MAP7: variants seen among roughly 807,000 people sequenced by gnomAD.
The protein encoded by MAP7 is microtubule associated protein 7, also known as ensconsin.
Under a neutral mutation model 94.8 loss-of-function variants are expected in MAP7, and 52 were observed. The ratio of observed to expected loss-of-function variants is 0.55; its 90% confidence interval spans 0.44 to 0.69. MAP7 has a LOEUF of 0.69. Ranked by LOEUF, MAP7 falls within the 30% of genes least tolerant of loss-of-function variation. The pLI, the probability that MAP7 is intolerant of heterozygous loss-of-function variation, is 0.00. For synonymous variants in MAP7, 350 were observed against 357.0 expected (o/e 0.98, Z 0.22); for missense variants, 940 against 964.6 (o/e 0.97, Z 0.34).
intron 16 of MAP7, among the ~76,000 whole-genome samples, chr6:136,354,751 C>A (rs1790395061): frequency 6.6e-6 from 1 of 152,046 alleles, no homozygotes; most frequent in Non-Finnish European, 1.5e-5. Flanking sequence ...CAAATTGTTG[C>A]TTTTCTGTGT....
intron 1 of MAP7, among the ~76,000 whole-genome samples, chr6:136,527,641 T>C (rs1039612906): frequency 1.3e-5 from 2 of 152,218 alleles, no homozygotes; most frequent in African/African-American, 4.8e-5. Flanking sequence ...GCTAGCAACT[T>C]GAAGTGCTTA....
At chr6:136,475,605 T>C (rs1810614879) in intron 1 of MAP7, among the ~76,000 whole-genome samples, 1 of 152,260 alleles carries the variant, frequency 6.6e-6, no homozygotes, top group Non-Finnish European at 1.5e-5. Context: ...AACAACATCA[T>C]GTTCAACCTC....
chr6:136,450,361 T>A (rs1025215345), intron 1 of MAP7, among the ~76,000 whole-genome samples: 1 of 152,034 alleles, frequency 6.6e-6, no homozygotes, highest in East Asian at 1.9e-4. Context: ...AAACATAGAT[T>A]TTTTTTTAAA....
At chr6:136,379,345 TGTTTGTTAGA>T (rs1395809493) in intron 6 of MAP7, among the ~76,000 whole-genome samples, 6 of 152,186 alleles carry the variant, frequency 3.9e-5, no homozygotes, top group Admixed American at 3.3e-4. Context: ...ATTAGTGAAT[TGTTTGTTAGA>T]GTCTGTTTAC....
chr6:136,496,632 T>C (rs1818303202), intron 1 of MAP7, among the ~76,000 whole-genome samples: 1 of 151,754 alleles, frequency 6.6e-6, no homozygotes. Flanking sequence ...TTAACTTGGC[T>C]CCTAGGCTGA....
chr6:136,440,927 TAAC>T (rs964362947), intron 1 of MAP7, among the ~76,000 whole-genome samples: 2 of 152,136 alleles, frequency 1.3e-5, no homozygotes, highest in African/African-American at 2.4e-5. Context: ...ACACTCCACA[TAAC>T]AACAAGATCA....
At chr6:136,426,650 G>C (rs541965952) in intron 1 of MAP7, among the ~76,000 whole-genome samples, 1 of 152,342 alleles carries the variant, frequency 6.6e-6, no homozygotes, top group Admixed American at 6.5e-5. Context: ...CACTGGGATG[G>C]AGCACGAGCA....
At chr6:136,454,768 C>G (rs569119657) in intron 1 of MAP7, among the ~76,000 whole-genome samples, 5 of 152,020 alleles carry the variant, frequency 3.3e-5, no homozygotes, top group Admixed American at 6.5e-5. Context: ...GTGAGGTGAC[C>G]CTCACCTGTA....
At chr6:136,546,232 C>G (rs1829729962) in intron 1 of MAP7, among the ~76,000 whole-genome samples, 1 of 151,944 alleles carries the variant, frequency 6.6e-6, no homozygotes, top group Non-Finnish European at 1.5e-5. Context: ...AGGCTAGTCT[C>G]AAACTCCTGG....
chr6:136,373,964 G>A (rs1230443725), intron 7 of MAP7, among the ~76,000 whole-genome samples: 1 of 152,146 alleles, frequency 6.6e-6, no homozygotes, highest in Non-Finnish European at 1.5e-5. Flanking sequence ...ATCACTGCAT[G>A]GTTTTGTTCT....
chr6:136,360,217 G>A (rs560782009), intron 13 of MAP7, among the ~76,000 whole-genome samples, 186 bp from the exon 14 acceptor site: 111 of 151,304 alleles, frequency 7.3e-4, no homozygotes, highest in Non-Finnish European at 1.3e-3. Context: ...CGTGTGGCAA[G>A]CTCTCAGTTC....
intron 1 of MAP7, among the ~76,000 whole-genome samples, chr6:136,541,494 T>C (rs750202146): frequency 3.9e-5 from 6 of 152,086 alleles, no homozygotes; most frequent in Non-Finnish European, 7.4e-5. Context: ...ATACCCCAAA[T>C]CTCAATACTC....
chr6:136,397,873 G>T (rs935593412), intron 3 of MAP7, among the ~76,000 whole-genome samples: 1 of 152,166 alleles, frequency 6.6e-6, no homozygotes. Flanking sequence ...CTCCGTAAAA[G>T]AACAGTATGT....
rs78766425 is a variant in MAP7, at chr6:136,386,588, A to C, written c.526+1805T>G. On this transcript the variant is annotated intron_variant, in intron 5 of 17. Transcript: ENST00000354570. ...CAGGTAAAACAAATATATGATTATAAAAATATATACCCTGCCAGGTTTACT... is the reference window on the plus strand; with the variant it reads ...CAGGTAAAACAAATATATGATTATACAAATATATACCCTGCCAGGTTTACT... 4.8e-3 allele frequency among the ~76,000 whole-genome samples: 725 copies of C among 152,318 alleles called. 8 individuals carry two copies. Among genetic ancestry groups the C allele is most frequent in the African/African-American group, 0.017 (700 of 41,574 alleles).
chr6:136,359,543 GTATA>G (rs1429544613), intron 15 of MAP7, among the ~76,000 whole-genome samples: 1 of 151,916 alleles, frequency 6.6e-6, no homozygotes, highest in Non-Finnish European at 1.5e-5. Flanking sequence ...ATATGTATAA[GTATA>G]TATACATATA....
At position 136,420,292 on chromosome 6, in the gene MAP7, G is replaced by A. The variant is rs1790883747; in HGVS notation, c.166+1409C>T. On this transcript the variant is annotated intron_variant, in intron 2 of 17. Transcript: ENST00000354570. ...GAAGAGCCGGCCATGCTTCCAGAGGGACCTTGGTGCTGCCTGACGTGACCA... is the reference window on the plus strand; with the variant it reads ...GAAGAGCCGGCCATGCTTCCAGAGGAACCTTGGTGCTGCCTGACGTGACCA... 9.7e-6 allele frequency: 8 copies of A among 824,120 alleles called. No individual in the cohort carries two copies. The South Asian group carries it at 1.1e-4, about 11-fold the overall frequency. 51.1% of individuals were successfully genotyped at this position (824,120 alleles called of 1,614,324 possible). A position where few individuals can be genotyped will look rare whatever the true frequency, so the allele number is the denominator to read the frequency against.
intron 3 of MAP7, among the ~76,000 whole-genome samples, chr6:136,408,219 T>C (rs1582822699): frequency 1.3e-5 from 2 of 152,310 alleles, no homozygotes; most frequent in Admixed American, 1.3e-4. Context: ...CTTTTCTACG[T>C]ATAAAGCGTT....
intron 8 of MAP7, among the ~76,000 whole-genome samples, chr6:136,366,667 A>G (rs541002133): frequency 1.1e-4 from 16 of 152,228 alleles, no homozygotes; most frequent in Non-Finnish European, 2.1e-4. Flanking sequence ...GATGTGTTGG[A>G]GTCATATTTG....
chr6:136,433,370 G>T (rs1263337071), intron 1 of MAP7, among the ~76,000 whole-genome samples: 1 of 152,216 alleles, frequency 6.6e-6, no homozygotes, highest in Non-Finnish European at 1.5e-5. Flanking sequence ...CCACAGTCCT[G>T]ACTGAGTATT....
Sources: gnomAD v4.1 joint callset for allele counts (sites outside exome capture counted in the v4.1 genomes callset) on GRCh38, gnomAD v4.1.1 for gene constraint, MANE v1.5 for transcripts, NCBI Gene and HGNC (gene_info 2026-07-23, HGNC 2026-07-21) for gene names.